Variants in RBFOX1 observed in about 807,000 individuals in gnomAD.
RBFOX1 encodes RNA binding fox-1 homolog 1.
RBFOX1 carries 8 observed loss-of-function variants against 57.7 expected under a neutral mutation model. The ratio of observed to expected loss-of-function variants is 0.14; its 90% CI spans 0.08 to 0.25. RBFOX1 has a LOEUF of 0.25. RBFOX1 is among the 10% of genes least tolerant of loss of function. The pLI is 1.00. For missense variants in RBFOX1, 611 were observed against 548.5 expected (o/e 1.11, Z -1.14); for synonymous variants, 326 against 222.4 (o/e 1.47, Z -4.15).
chr16:6,243,214 T>G (rs1173529182), intron 1 of RBFOX1, among the ~76,000 whole-genome samples: 1 of 152,044 alleles, frequency 6.6e-6, no homozygotes, highest in East Asian at 1.9e-4. Flanking sequence ...TTGAAAACAT[T>G]AGGTGAGTTA....
intron 3 of RBFOX1, among the ~76,000 whole-genome samples, chr16:6,713,057 C>G (rs1314225158): frequency 6.6e-6 from 1 of 151,938 alleles, no homozygotes; most frequent in Non-Finnish European, 1.5e-5. Context: ...TGAGGCCTCC[C>G]CAGCCATGTG....
chr16:5,919,657 C>T (rs1007840833), intron 4 of RBFOX1, among the ~76,000 whole-genome samples: 1 of 152,046 alleles, frequency 6.6e-6, no homozygotes. Context: ...CATTTTAAAG[C>T]GTATAATTCC....
intron 2 of RBFOX1, among the ~76,000 whole-genome samples, chr16:6,384,615 G>A (rs1021460344): frequency 8.5e-5 from 13 of 152,216 alleles, no homozygotes; most frequent in Non-Finnish European, 1.0e-4. Flanking sequence ...CATCTAATTC[G>A]TCTCCTTTTG....
chr16:7,033,624 G>A (rs1833396926), intron 3 of RBFOX1, among the ~76,000 whole-genome samples: 1 of 152,172 alleles, frequency 6.6e-6, no homozygotes, highest in African/African-American at 2.4e-5. Context: ...ATGGCTCCCT[G>A]TGGGGCAACT....
intron 3 of RBFOX1, among the ~76,000 whole-genome samples, chr16:6,750,330 G>A (rs1046762323): frequency 6.6e-6 from 1 of 152,212 alleles, no homozygotes; most frequent in African/African-American, 2.4e-5. Flanking sequence ...GGGTCATAGA[G>A]AGGAGCTTGG....
chr16:7,674,334 A>C (rs1208266731), intron 13 of RBFOX1, among the ~76,000 whole-genome samples: 1 of 152,194 alleles, frequency 6.6e-6, no homozygotes, highest in Non-Finnish European at 1.5e-5. Context: ...AATTAACTGA[A>C]AAGTAAATTT....
At chr16:5,537,126 T>C (rs1037588587) in intron 2 of RBFOX1, among the ~76,000 whole-genome samples, 2 of 152,206 alleles carry the variant, frequency 1.3e-5, no homozygotes, top group African/African-American at 4.8e-5. Flanking sequence ...GATTTAGGTA[T>C]TCCCTAGGGC....
At chr16:5,577,400 T>G (rs1231902175) in intron 2 of RBFOX1, among the ~76,000 whole-genome samples, 1 of 152,158 alleles carries the variant, frequency 6.6e-6, no homozygotes, top group Admixed American at 6.5e-5. Context: ...ATTTTTATGT[T>G]AGGACAGTAA....
At chr16:6,219,940 A>G (rs2152876311) in intron 1 of RBFOX1, among the ~76,000 whole-genome samples, 1 of 152,318 alleles carries the variant, frequency 6.6e-6, no homozygotes, top group African/African-American at 2.4e-5. Context: ...TAATACATGA[A>G]AAGCTCTTAG....
At chr16:6,301,707 T>TTTTTATAAAAATTTTATAAAAACAGTTTA (rs2078838290) in intron 1 of RBFOX1, among the ~76,000 whole-genome samples, 1 of 151,940 alleles carries the variant, frequency 6.6e-6, no homozygotes, top group African/African-American at 2.4e-5. Context: ...TTTAGGGGAG[T>TTTTTATAAAAATTTTATAAAAACAGTTTA]GCCTAGAACT....
At chr16:7,395,512 A>G (rs949396343) in intron 4 of RBFOX1, among the ~76,000 whole-genome samples, 1 of 152,210 alleles carries the variant, frequency 6.6e-6, no homozygotes, top group African/African-American at 2.4e-5. Flanking sequence ...GTTGGACGGA[A>G]TACTAAATCT....
intron 4 of RBFOX1, among the ~76,000 whole-genome samples, chr16:6,005,101 A>G (rs935113455): frequency 6.6e-6 from 1 of 152,224 alleles, no homozygotes; most frequent in Non-Finnish European, 1.5e-5. Context: ...AAAAGCCAAG[A>G]GTCCATTTCT....
chr16:7,219,996 A>G (rs1488320616), intron 4 of RBFOX1, among the ~76,000 whole-genome samples: 1 of 152,196 alleles, frequency 6.6e-6, no homozygotes, highest in East Asian at 1.9e-4. Context: ...GTTTTTGTTA[A>G]TGTGGTGTAT....
intron 3 of RBFOX1, among the ~76,000 whole-genome samples, chr16:6,949,386 C>G (rs1225237966): frequency 2.0e-5 from 3 of 152,166 alleles, no homozygotes; most frequent in African/African-American, 7.2e-5. Context: ...TTTACTCATT[C>G]CATGGTGTAT....
At chr16:6,237,570 C>T (rs935971327) in intron 1 of RBFOX1, among the ~76,000 whole-genome samples, 20 of 152,030 alleles carry the variant, frequency 1.3e-4, no homozygotes, top group African/African-American at 3.9e-4. Context: ...GGTGAAACCT[C>T]GTCTTTACTA....
chr16:7,111,073 G>T (rs76566679), intron 4 of RBFOX1, among the ~76,000 whole-genome samples: 2 of 152,120 alleles, frequency 1.3e-5, no homozygotes, highest in Non-Finnish European at 2.9e-5. Context: ...TTTTTGAAAA[G>T]CCAAATAACT....
chr16:6,860,283 A>T (rs1306958063), intron 3 of RBFOX1, among the ~76,000 whole-genome samples: 2 of 152,202 alleles, frequency 1.3e-5, no homozygotes, highest in Non-Finnish European at 2.9e-5. Context: ...TACATTATTT[A>T]ATGTCTGATG....
chr16:5,555,888 G>A (rs1034374587), intron 2 of RBFOX1, among the ~76,000 whole-genome samples: 1 of 152,022 alleles, frequency 6.6e-6, no homozygotes, highest in Admixed American at 6.6e-5. Context: ...GGTCGTGGTG[G>A]TGCATGTCTG....
chr16:6,732,832 T>C lies in RBFOX1; in HGVS notation c.-16+78182T>C, dbSNP rs527932072. Among the ~76,000 whole-genome samples the C allele has an allele frequency of 3.9e-5, 6 of 152,348 alleles. No homozygotes were observed. In the South Asian group the frequency reaches 1.2e-3, roughly 32 times the overall value. ...GAGTTTTTTTGTTCATGTTTTTGTT[T>C]TACCTTGGACAGCCATTATGTAAAC... is the stretch of plus-strand genomic sequence containing the variant. On this transcript the variant is annotated intron_variant, in intron 3 of 15. Transcript: ENST00000550418.
Sources: gnomAD v4.1 joint callset for allele counts (sites outside exome capture counted in the v4.1 genomes callset) on GRCh38, gnomAD v4.1.1 for gene constraint, MANE v1.5 for transcripts, NCBI Gene and HGNC (gene_info 2026-07-23, HGNC 2026-07-21) for gene names.